PITPNM3: variants seen among roughly 807,000 people sequenced by gnomAD.
PITPNM3 encodes membrane-associated phosphatidylinositol transfer protein 3.
PITPNM3 carries 26 observed loss-of-function variants against 102.0 expected under a neutral mutation model. The observed-to-expected ratio is 0.25, with a 90% CI of 0.19 to 0.35. The LOEUF (loss-of-function observed/expected upper bound fraction) is 0.35. PITPNM3 is among the 10% of genes least tolerant of loss of function. PITPNM3 has a pLI of 1.00. For synonymous variants in PITPNM3, 578 were observed against 558.6 expected, an observed-to-expected ratio of 1.03 and a Z score of -0.49; for missense variants, 1,083 against 1,346.1, an observed-to-expected ratio of 0.80 and a Z score of 3.06.
Position 6,468,479 on chromosome 17 carries a change from G to A in PITPNM3, c.1774-138C>T. The A allele has an allele frequency of 1.2e-6, 1 of 842,656 alleles. No individual in the cohort carries two copies. The highest frequency in any genetic ancestry group is 2.0e-6 in the Non-Finnish European group (1 of 499,276). 52.2% of individuals were successfully genotyped at this position (842,656 alleles called of 1,614,324 possible). Reference sequence around the variant, plus strand: ...CCAACCTCACAGCCTGGAACCGTCAGGAGGCCGCAGACCCCGGGACCTGCA... The same window carrying A: ...CCAACCTCACAGCCTGGAACCGTCAAGAGGCCGCAGACCCCGGGACCTGCA... On this transcript the variant is annotated intron_variant, in intron 13 of 19. Transcript: ENST00000262483. This position sits in a 1 kb window ranked among gnomAD's most constrained non-coding sequence, Gnocchi z 5.2.
chr17:6,548,995 A>G (rs1347078622), intron 1 of PITPNM3, among the ~76,000 whole-genome samples: 1 of 152,058 alleles, frequency 6.6e-6, no homozygotes, highest in Admixed American at 6.5e-5. Context: ...CTGGCCTCCC[A>G]TGTCCCAGGT....
At chr17:6,544,699 C>T (rs1399736653) in intron 1 of PITPNM3, among the ~76,000 whole-genome samples, 3 of 150,996 alleles carry the variant, frequency 2.0e-5, no homozygotes, top group East Asian at 1.9e-4. Flanking sequence ...TACACATACA[C>T]GAGAACAGCA....
chr17:6,472,826 G>A lies in PITPNM3; in HGVS notation c.1260C>T (p.Gly420=), dbSNP rs774457257. The change falls in exon 11 of 20, where the codon GGC becomes GGT. Residue 420 remains glycine, a splice_region_variant and synonymous_variant. Coordinates refer to ENST00000262483, the MANE Select transcript of PITPNM3 (RefSeq NM_031220.4). This position sits in a 1 kb window ranked among gnomAD's most constrained non-coding sequence, Gnocchi z 4.1. ...MRRTVLPGLD[G]FQVRPACSQV... is the part of the protein sequence containing the mutation. ...GGCTGCAGGCAGGACGCACCTGGAA[G>A]CCTGGGGTGAGTGGGAAGACAGAGG... is the stretch of plus-strand genomic sequence containing the variant. 6 of 1,614,020 alleles carry A rather than the reference G, an allele frequency of 3.7e-6. No homozygotes were observed. In the Admixed American group the frequency reaches 8.3e-5, roughly 22 times the overall value.
chr17:6,554,683 G>C (rs577304989), intron 1 of PITPNM3, among the ~76,000 whole-genome samples: 5 of 152,254 alleles, frequency 3.3e-5, no homozygotes, highest in South Asian at 2.1e-4. Context: ...ATTTGGTAAG[G>C]GGGTGACCTA....
intron 1 of PITPNM3, among the ~76,000 whole-genome samples, chr17:6,544,654 T>TCA (rs754945876): frequency 0.024 from 3,167 of 130,226 alleles, 48 homozygotes; most frequent in African/African-American, 0.042. Flanking sequence ...TCTCTCTCTC[T>TCA]CACACACACA....
intron 4 of PITPNM3, among the ~76,000 whole-genome samples, chr17:6,486,711 T>C (rs987444201): frequency 6.6e-6 from 1 of 152,206 alleles, no homozygotes; most frequent in African/African-American, 2.4e-5. Context: ...ACTAAAGACC[T>C]TGCCTTGGGC....
Position 6,470,262 on chromosome 17 carries a change from G to T in PITPNM3, c.1771C>A (p.Gln591Lys). Residue 591 changes from glutamine to lysine, a missense_variant and splice_region_variant, in exon 13 of 20, where the codon CAG (glutamine) becomes AAG (lysine). Transcript: ENST00000262483. This position sits in a 1 kb window ranked among gnomAD's most constrained non-coding sequence, Gnocchi z 4.8. ...STDVVAFILR[Q>K]VMRYESVNIK... ...GCCCGCGACTGCGGCAGCAGTACCT[G>T]TCTCAGGATGAAGGCCACCACGTCT... is the stretch of plus-strand genomic sequence containing the variant. 1 of 1,605,584 alleles carries T rather than the reference G, an allele frequency of 6.2e-7. No individual in the cohort carries two copies. The highest frequency in any genetic ancestry group is 8.5e-7 in the Non-Finnish European group (1 of 1,176,100).
rs1914157233 is a variant in PITPNM3 at position 6,457,310 on chromosome 17, T to G, written c.2619+284A>C. On this transcript the variant is annotated intron_variant, in intron 19 of 19. Coordinates refer to ENST00000262483, the MANE Select transcript of PITPNM3 (RefSeq NM_031220.4). This position sits in a 1 kb window ranked among gnomAD's most constrained non-coding sequence, Gnocchi z 4.7. The stretch of plus-strand genomic sequence containing the variant: ...GGCCCCACAGTTCCCTGTGCTCCCG[T>G]CATACATCATGGCACTTGTTACACT... Among the ~76,000 whole-genome samples the G allele has an allele frequency of 6.6e-6, 1 of 152,160 alleles. No homozygotes were observed. The highest frequency in any genetic ancestry group is 2.1e-4 in the South Asian group (1 of 4,830).
chr17:6,482,022 CTCTCTCTCTCTCTG>C (rs1567670234), intron 6 of PITPNM3, among the ~76,000 whole-genome samples: 74 of 109,730 alleles, frequency 6.7e-4, no homozygotes, highest in African/African-American at 5.8e-4. Context: ...CTCTCTCTCT[CTCTCTCTCTCTCTG>C]TCTGTCTCTC....
Position 6,468,449 on chromosome 17 carries a change from ACC to A in PITPNM3, c.1774-110_1774-109del. On this transcript the variant is annotated intron_variant, in intron 13 of 19. Coordinates refer to ENST00000262483, the MANE Select transcript of PITPNM3 (RefSeq NM_031220.4). The surrounding 1 kb of genome is among the most constrained non-coding windows in gnomAD (Gnocchi z 5.2). ...TGGCCAGCTGGGCCCTGCCCCTGCA[ACC>A]CCCCAACCTCACAGCCTGGAACCGT... 1 of 1,087,872 alleles carries A rather than the reference ACC, an allele frequency of 9.2e-7. No individual in the cohort carries two copies. The highest frequency in any genetic ancestry group is 1.4e-6 in the Non-Finnish European group (1 of 710,086). The allele number at this position is 1,087,872 out of a possible 1,614,324, so 67.4% of individuals were successfully genotyped here.
chr17:6,487,029 T>C (rs373235252), intron 4 of PITPNM3, among the ~76,000 whole-genome samples: 1 of 151,902 alleles, frequency 6.6e-6, no homozygotes, highest in Non-Finnish European at 1.5e-5. Context: ...AGGGAGAGGG[T>C]CTGAGTGTGG....
At chr17:6,501,117 A>G (rs1165613854) in intron 4 of PITPNM3, among the ~76,000 whole-genome samples, 1 of 152,176 alleles carries the variant, frequency 6.6e-6, no homozygotes, top group Non-Finnish European at 1.5e-5. Context: ...TGGAAAACAG[A>G]GCTGTGGTTT....
intron 1 of PITPNM3, among the ~76,000 whole-genome samples, chr17:6,539,040 G>A (rs536118575): frequency 1.3e-4 from 20 of 152,150 alleles, no homozygotes; most frequent in African/African-American, 2.4e-4. Flanking sequence ...CCTGCCTGTC[G>A]TTCCTGCCTG....
Position 6,525,360 on chromosome 17 carries a change from A to G in PITPNM3, c.222T>C (p.His74=). 1 of 1,613,992 alleles carries G rather than the reference A, an allele frequency of 6.2e-7. No individual in the cohort carries two copies. Among genetic ancestry groups the G allele is most frequent in the African/African-American group, 1.3e-5 (1 of 75,026 alleles). The change falls in exon 3 of 20, where the codon CAT becomes CAC. Residue 74 remains histidine, a synonymous_variant. Transcript: ENST00000262483. ...QIETMGKLDE[H]QGEGTAPCTS... ...ATGAGAGAAGCAGAGTCTCACCTTG[A>G]TGCTCGTCCAGTTTCCCCATGGTCT...
At chr17:6,525,554 G>A in intron 2 of PITPNM3, 91 bp from the exon 3 acceptor site, 3 of 938,154 alleles carry the variant, frequency 3.2e-6, no homozygotes, top group Non-Finnish European at 3.5e-6. Context: ...ATTTTCTCTT[G>A]TCCTATTTCT....
intron 1 of PITPNM3, among the ~76,000 whole-genome samples, chr17:6,553,175 G>A (rs1180001341): frequency 1.3e-5 from 2 of 152,002 alleles, no homozygotes; most frequent in Non-Finnish European, 2.9e-5. Flanking sequence ...TCTCTGCTCC[G>A]TGGGGAGCTC....
intron 3 of PITPNM3, among the ~76,000 whole-genome samples, chr17:6,509,777 T>C (rs1328936039): frequency 6.6e-6 from 1 of 152,110 alleles, no homozygotes; most frequent in African/African-American, 2.4e-5. Flanking sequence ...CCCCGGCCCC[T>C]CCTGTTCTCC....
Position 6,525,366 on chromosome 17 carries a change from G to C in PITPNM3, c.216C>G (p.Asp72Glu), listed in dbSNP as rs61755429. 1.2e-6 allele frequency: 2 copies of C among 1,613,902 alleles called. No homozygotes were observed. The highest frequency in any genetic ancestry group is 1.7e-6 in the Non-Finnish European group (2 of 1,179,922). ...GAAGCAGAGTCTCACCTTGATGCTC[G>C]TCCAGTTTCCCCATGGTCTCGATCT... ...VEQIETMGKLDEHQGEGTAPC... is the reference protein window; with the variant it reads ...VEQIETMGKLEEHQGEGTAPC... The change falls in exon 3 of 20, where the codon GAC becomes GAG. Residue 72 changes from aspartate to glutamate, a missense_variant. By Grantham distance (45) the Asp-to-Glu change is conservative. Transcript: ENST00000262483.
chr17:6,461,504 T>C lies in PITPNM3; in HGVS notation c.2359A>G (p.Met787Val), dbSNP rs755961110. 1 of 1,614,262 alleles carries C rather than the reference T, an allele frequency of 6.2e-7. No individual in the cohort carries two copies. Among genetic ancestry groups the C allele is most frequent in the South Asian group, 1.1e-5 (1 of 91,088 alleles). ...CACGACACCACCCGCTGCTTCTGCA[T>C]GTCCGGCCGTCCCGTGATGTAAAGG... Reference protein sequence around the residue: ...MILYITGRPDMQKQRVVSWLS... With the variant: ...MILYITGRPDVQKQRVVSWLS... The change falls in exon 18 of 20, where the codon ATG (methionine) becomes GTG (valine). Residue 787 changes from methionine (M) to valine (V), a missense_variant. Transcript: ENST00000262483.
Sources: gnomAD v4.1 joint callset for allele counts (sites outside exome capture counted in the v4.1 genomes callset) on GRCh38, gnomAD v4.1.1 for gene constraint, Gnocchi (gnomAD v3.1) non-coding constraint, MANE v1.5 for transcripts, NCBI Gene and HGNC (gene_info 2026-07-23, HGNC 2026-07-21) for gene names.